The following POLD3 variants were observed in gnomAD, a reference collection of about 807,000 sequenced individuals.
POLD3 encodes DNA polymerase delta 3, accessory subunit.
POLD3 carries 19 observed loss-of-function variants against 58.2 expected under a neutral mutation model. The ratio of observed to expected loss-of-function variants is 0.33; its 90% CI spans 0.23 to 0.48. The LOEUF is 0.48. Among genes scored for constraint, POLD3 ranks in the 20% least tolerant of loss-of-function variants. The pLI, the probability that POLD3 is intolerant of heterozygous loss-of-function variation, is 0.99. For missense variants in POLD3, 504 were observed against 545.5 expected, an observed-to-expected ratio of 0.92 and a Z score of 0.76; for synonymous variants, 172 against 193.5, an observed-to-expected ratio of 0.89 and a Z score of 0.92.
chr11:74,640,858 C>T lies in POLD3; in HGVS notation c.*92C>T. ...ACTTACTATGTAAGTTCATCTAGATCTCCACCTCACCTGTATCAAAAGACT... is the reference window on the plus strand; with the variant it reads ...ACTTACTATGTAAGTTCATCTAGATTTCCACCTCACCTGTATCAAAAGACT... On this transcript the variant is annotated 3_prime_UTR_variant, in exon 12 of 12. Coordinates refer to ENST00000263681, the MANE Select transcript of POLD3 (RefSeq NM_006591.3). 7.3e-7 allele frequency: 1 copy of T among 1,379,186 alleles called. No homozygotes were observed. The highest frequency in any genetic ancestry group is 9.4e-7 in the Non-Finnish European group (1 of 1,062,908). 85.4% of individuals were successfully genotyped at this position (1,379,186 alleles called of 1,614,324 possible).
intron 2 of POLD3, among the ~76,000 whole-genome samples, chr11:74,601,658 T>A (rs1302598326): frequency 6.6e-6 from 1 of 152,114 alleles, no homozygotes; most frequent in East Asian, 1.9e-4. Flanking sequence ...CATGGTAGCA[T>A]GCACCTGTGG....
At chr11:74,611,007 T>C (rs1041326255) in intron 3 of POLD3, among the ~76,000 whole-genome samples, 8 of 152,134 alleles carry the variant, frequency 5.3e-5, no homozygotes, top group Non-Finnish European at 1.0e-4. Flanking sequence ...ACTCCTGACC[T>C]CAGGTGATCC....
intron 3 of POLD3, among the ~76,000 whole-genome samples, chr11:74,609,401 G>A (rs1457969218): frequency 9.8e-5 from 1 of 10,174 alleles, no homozygotes; most frequent in Non-Finnish European, 1.5e-4. Flanking sequence ...TTTTTTTTGA[G>A]ATGGACTTTT....
At position 74,640,554 on chromosome 11, in the gene POLD3, A is replaced by G. The variant is rs1437655756; in HGVS notation, c.1199-10A>G. On this transcript the variant is annotated splice_polypyrimidine_tract_variant and intron_variant, in intron 11 of 11. Transcript: ENST00000263681. ...CCCACCCATGTTCCATTTTTTTCTC[A>G]TCCTACCAGTGACTGAAAAAGTCTA... 1 of 1,482,120 alleles carries G rather than the reference A, an allele frequency of 6.7e-7. No homozygotes were observed. The highest frequency in any genetic ancestry group is 9.0e-7 in the Non-Finnish European group (1 of 1,115,766). The allele number at this position is 1,482,120 out of a possible 1,614,324, so 91.8% of individuals were successfully genotyped here.
intron 4 of POLD3, among the ~76,000 whole-genome samples, chr11:74,665,823 CT>C (rs2033262023): frequency 6.6e-6 from 1 of 152,300 alleles, no homozygotes; most frequent in South Asian, 2.1e-4. Context: ...AGACTGAAAA[CT>C]TACCCTTAGG....
chr11:74,609,372 ATTTTTTTTTTTTT>A (rs869157886), intron 3 of POLD3, among the ~76,000 whole-genome samples: 16 of 27,200 alleles, frequency 5.9e-4, no homozygotes, highest in African/African-American at 1.9e-3. Context: ...ATATATATAT[ATTTTTTTTTTTTT>A]TTTTTTTTTT....
At chr11:74,602,313 A>C (rs1356264061) in intron 2 of POLD3, among the ~76,000 whole-genome samples, 3 of 152,182 alleles carry the variant, frequency 2.0e-5, no homozygotes, top group Non-Finnish European at 4.4e-5. Context: ...CAACATCAAC[A>C]GTGACTAATA....
chr11:74,611,642 A>T (rs2031914980), intron 4 of POLD3, 104 bp downstream of exon 4: 2 of 668,276 alleles, frequency 3.0e-6, no homozygotes, highest in Non-Finnish European at 5.3e-6. Context: ...TTAGCTATTT[A>T]ACTGAATAGC....
Position 74,663,623 on chromosome 11 carries a change from A to C in POLD3, c.370-5154A>C, listed in dbSNP as rs138663509. On this transcript the variant is annotated intron_variant, in intron 4 of 4. Coordinates refer to the POLD3 transcript ENST00000524752. ...ATGTGGAAAGAAAAGTCTGTTCAACAAACGATGCTGGAACAACTGGCTATT... is the reference window on the plus strand; with the variant it reads ...ATGTGGAAAGAAAAGTCTGTTCAACCAACGATGCTGGAACAACTGGCTATT... Among the ~76,000 whole-genome samples, 522 of 152,360 alleles carry C rather than the reference A, an allele frequency of 3.4e-3. 2 individuals are homozygous for C. Among genetic ancestry groups the C allele is most frequent in the South Asian group, 8.1e-3 (39 of 4,830 alleles).
chr11:74,667,124 G>A (rs1443207337), intron 4 of POLD3, among the ~76,000 whole-genome samples: 3 of 152,148 alleles, frequency 2.0e-5, no homozygotes, highest in Admixed American at 2.0e-4. Flanking sequence ...AGGTGAGGGA[G>A]GAATGGAGAG....
At chr11:74,613,826 T>C (rs1187967991) in intron 5 of POLD3, among the ~76,000 whole-genome samples, 3 of 152,208 alleles carry the variant, frequency 2.0e-5, no homozygotes, top group Non-Finnish European at 4.4e-5. Context: ...TATGGTACAG[T>C]GTAAGAGTAC....
chr11:74,620,839 G>C (rs1399406350), intron 7 of POLD3, among the ~76,000 whole-genome samples: 1 of 151,772 alleles, frequency 6.6e-6, no homozygotes, highest in Non-Finnish European at 1.5e-5. Context: ...GAGGCATTTT[G>C]TTACATGCCT....
At chr11:74,645,354 A>G (rs2032986220), downstream of POLD3, among the ~76,000 whole-genome samples, 1 of 152,196 alleles carries the variant, frequency 6.6e-6, no homozygotes, top group Non-Finnish European at 1.5e-5. Flanking sequence ...TAAGCATGAG[A>G]GTATTGACGA....
intron 7 of POLD3, among the ~76,000 whole-genome samples, chr11:74,624,889 TA>T (rs1387506279): frequency 6.6e-6 from 1 of 152,218 alleles, no homozygotes; most frequent in East Asian, 1.9e-4. Context: ...CTGACTTAGA[TA>T]AAATAACTTG....
At chr11:74,652,504 A>G (rs1029082187) in intron 4 of POLD3, 3 of 152,234 alleles carry the variant, frequency 2.0e-5, no homozygotes, top group Non-Finnish European at 4.4e-5. Flanking sequence ...CTAATCATAC[A>G]TATTTTGTTC....
intron 3 of POLD3, among the ~76,000 whole-genome samples, chr11:74,608,415 C>G (rs2031770689): frequency 6.6e-6 from 1 of 152,162 alleles, no homozygotes; most frequent in South Asian, 2.1e-4. Flanking sequence ...ACCACGGCAC[C>G]TGGCCTTTCT....
At chr11:74,638,675 A>G (rs1217473382) in intron 11 of POLD3, 12 of 455,978 alleles carry the variant, frequency 2.6e-5, no homozygotes, top group Non-Finnish European at 5.3e-5. Flanking sequence ...TGCTGAACGA[A>G]TAGGTATGCC....
At position 74,641,430 on chromosome 11, in the gene POLD3, T is replaced by G. The variant is rs1182368815; in HGVS notation, c.*664T>G. On this transcript the variant is annotated 3_prime_UTR_variant, in exon 12 of 12. Coordinates refer to ENST00000263681, the MANE Select transcript of POLD3 (RefSeq NM_006591.3). ...CTCTGGGACCTTCACTTGCAATTAG[T>G]GGTTAGGGAAAAGCCTCAGGCAGAA... The G allele has an allele frequency of 2.0e-6, 2 of 985,398 alleles. No homozygotes were observed. Among genetic ancestry groups the G allele is most frequent in the Non-Finnish European group, 2.4e-6 (2 of 829,948 alleles). 61.0% of individuals were successfully genotyped at this position (985,398 alleles called of 1,614,324 possible).
intron 4 of POLD3, among the ~76,000 whole-genome samples, chr11:74,663,822 C>A (rs2033233728): frequency 6.6e-6 from 1 of 152,032 alleles, no homozygotes; most frequent in Non-Finnish European, 1.5e-5. Flanking sequence ...AGTAGGAAAA[C>A]CATAGAATGT....
Sources: allele counts gnomAD v4.1 joint callset (sites outside exome capture counted in the v4.1 genomes callset), GRCh38; gene constraint gnomAD v4.1.1; transcripts MANE v1.5; gene names NCBI Gene and HGNC (gene_info 2026-07-23, HGNC 2026-07-21).